KDM4F: variants seen among roughly 807,000 people sequenced by gnomAD.
The protein encoded by KDM4F is probable lysine-specific demethylase 4F.
For synonymous variants in KDM4F, 223 were observed against 184.4 expected (o/e 1.21, Z -1.70); for missense variants, 586 against 496.4 (o/e 1.18, Z -1.71).
In KDM4F at chr11:95,049,451, C is replaced by T. The variant is rs573962528; in HGVS notation, c.30C>T (p.Asn10=). ...AGTCTGTGCACTCCAGTCCCCAGAA[C>T]ACGAGTCATACCATCATGACGTTTT... The change falls in exon 1 of 1, where the codon AAC becomes AAT. Residue 10 remains asparagine, a synonymous_variant. Coordinates refer to ENST00000545950, the Ensembl canonical transcript of KDM4F. 33 of 1,492,504 alleles carry T rather than the reference C, an allele frequency of 2.2e-5. 1 individual carries two copies. The South Asian group carries it at 3.9e-4, about 18-fold the overall frequency. 92.5% of individuals were successfully genotyped at this position (1,492,504 alleles called of 1,614,324 possible). A position where few individuals can be genotyped will look rare whatever the true frequency, so the allele number is the denominator to read the frequency against.
chr11:95,049,874 A>G, exon 1 of KDM4F: 4 of 1,609,340 alleles, frequency 2.5e-6, no homozygotes, highest in Non-Finnish European at 2.5e-6. Flanking sequence ...AATGGAACCT[A>G]GGACACCTGG....
exon 1 of KDM4F, chr11:95,051,309 C>A (rs1858509754): frequency 2.5e-6 from 1 of 398,526 alleles, no homozygotes; most frequent in African/African-American, 2.1e-5. Context: ...GGACCCATGG[C>A]CATTGAATAT....
rs1388850601 is a variant in KDM4F, at chr11:95,050,053, T to C, written c.632T>C (p.Val211Ala). The C allele has an allele frequency of 1.9e-6, 3 of 1,604,162 alleles. No homozygotes were observed. In the Admixed American group the frequency reaches 5.0e-5, roughly 27 times the overall value. The stretch of plus-strand genomic sequence containing the variant: ...TTTGGGGAGCCCAAAACTTGGTACG[T>C]GGTGCCCCCAGAACATGGTCAGCGC... The change falls in exon 1 of 1, where the codon GTG becomes GCG. Residue 211 changes from valine to alanine, a missense_variant. Coordinates refer to ENST00000545950, the Ensembl canonical transcript of KDM4F.
chr11:95,051,216 G>A lies in KDM4F; in HGVS notation c.1795G>A (p.Asp599Asn), dbSNP rs536909719. The A allele has an allele frequency of 1.3e-5, 5 of 398,896 alleles. No homozygotes were observed. In the South Asian group the frequency reaches 5.1e-4, roughly 41 times the overall value. 24.7% of individuals were successfully genotyped at this position (398,896 alleles called of 1,614,324 possible). ...GTTTTCCAGGATCTCCTGGGCCCCT[G>A]ACTCATCTGCTGGGGCTAAAGCCAG... is the stretch of plus-strand genomic sequence containing the variant. The change falls in exon 1 of 1, where the codon GAC (aspartate) becomes AAC (asparagine). Residue 599 changes from aspartate to asparagine, a missense_variant. Asp to Asn is a conservative substitution (Grantham distance 23). Transcript: ENST00000545950.
chr11:95,050,152 C>T (rs1342851339), exon 1 of KDM4F: 1 of 1,547,718 alleles, frequency 6.5e-7, no homozygotes, highest in Non-Finnish European at 8.9e-7. Context: ...CACAAGGTGG[C>T]CCTCATCTCG....
chr11:95,049,523 C>T, exon 1 of KDM4F: 2 of 1,591,360 alleles, frequency 1.3e-6, no homozygotes, highest in African/African-American at 1.3e-5. Context: ...ATGTTGCTTA[C>T]ATGGAGTCCC....
At chr11:95,049,734 A>C in exon 1 of KDM4F, 1 of 1,605,506 alleles carries the variant, frequency 6.2e-7, no homozygotes, top group East Asian at 2.2e-5. Flanking sequence ...GGCAAACAGT[A>C]AAAAATATCA....
exon 1 of KDM4F, chr11:95,049,940 C>T: frequency 6.2e-7 from 1 of 1,613,882 alleles, no homozygotes; most frequent in Non-Finnish European, 8.5e-7. Flanking sequence ...AGGGTGTCAA[C>T]ACACCCTACC....
chr11:95,050,384 C>G, exon 1 of KDM4F: 1 of 937,338 alleles, frequency 1.1e-6, no homozygotes, highest in Non-Finnish European at 1.8e-6. Context: ...TGGATGCCTT[C>G]GTGCGCATCC....
chr11:95,050,235 T>C, exon 1 of KDM4F: 1 of 1,552,398 alleles, frequency 6.4e-7, no homozygotes, highest in Non-Finnish European at 8.9e-7. Context: ...CATGGTGACT[T>C]TTCCCTATGG....
At chr11:95,049,954 A>G (rs895195805) in exon 1 of KDM4F, 2 of 1,614,186 alleles carry the variant, frequency 1.2e-6, no homozygotes, top group Non-Finnish European at 1.7e-6. Flanking sequence ...CCCTACCTGT[A>G]CTTTGGCATG....
chr11:95,049,685 A>C, exon 1 of KDM4F: 1 of 1,602,332 alleles, frequency 6.2e-7, no homozygotes, highest in African/African-American at 1.3e-5. Context: ...AATACCATAA[A>C]AAGAAGAAAG....
chr11:95,050,378 T>C (rs1858499350), exon 1 of KDM4F: 1 of 960,380 alleles, frequency 1.0e-6, no homozygotes, highest in Non-Finnish European at 1.7e-6. Flanking sequence ...TTTCCATGGA[T>C]GCCTTCGTGC....
chr11:95,050,697 C>A (rs557424086), exon 1 of KDM4F: 53 of 628,044 alleles, frequency 8.4e-5, no homozygotes, highest in Non-Finnish European at 1.4e-4. Context: ...AAGGTGGGGT[C>A]CTTGTCGTGG....
At chr11:95,050,854 A>G in exon 1 of KDM4F, 1 of 542,132 alleles carries the variant, frequency 1.8e-6, no homozygotes, top group South Asian at 2.8e-5. Context: ...CCTCAGCTCC[A>G]GTTCGCCGAT....
At chr11:95,049,801 C>G in exon 1 of KDM4F, 1 of 1,594,620 alleles carries the variant, frequency 6.3e-7, no homozygotes, top group Non-Finnish European at 8.5e-7. Flanking sequence ...AAGAGCCACC[C>G]CGGTAATCCA....
At position 95,050,111 on chromosome 11, in the gene KDM4F, C is replaced by T; in HGVS notation, c.690C>T (p.Gly230=). 1.9e-6 allele frequency: 3 copies of T among 1,575,782 alleles called. No individual in the cohort carries two copies. The South Asian group carries it at 3.3e-5, about 17-fold the overall frequency. Residue 230 remains glycine, a synonymous_variant, in exon 1 of 1, where the codon GGC becomes GGT. Transcript: ENST00000545950. ...GCCTGGCCAGGGAGCTCTTCCCAGG[C>T]AATTCCCGGGGCTGTGAGGGCTTCC...
At chr11:95,049,669 T>G in exon 1 of KDM4F, 1 of 1,600,690 alleles carries the variant, frequency 6.2e-7, no homozygotes, top group Non-Finnish European at 8.5e-7. Flanking sequence ...GGAGGTGTGT[T>G]TACTCAATAC....
At chr11:95,050,743 G>T in exon 1 of KDM4F, 1 of 647,814 alleles carries the variant, frequency 1.5e-6, no homozygotes, top group South Asian at 1.8e-5. Flanking sequence ...CGAGGCCGTG[G>T]TCGTCGTCCT....
Sources: allele counts gnomAD v4.1 joint callset, GRCh38; gene constraint gnomAD v4.1.1; transcripts MANE v1.5; gene names NCBI Gene and HGNC (gene_info 2026-07-23, HGNC 2026-07-21).